CAMSAP2: variants seen among roughly 807,000 people sequenced by gnomAD.
CAMSAP2 encodes the protein calmodulin regulated spectrin associated protein family member 2.
In CAMSAP2, 26 loss-of-function variants were observed where a neutral mutation model predicts 146.1. The ratio of observed to expected loss-of-function variants is 0.18; its 90% CI spans 0.13 to 0.25. CAMSAP2 has a LOEUF of 0.25. Ranked by LOEUF, CAMSAP2 falls within the 10% of genes least tolerant of loss-of-function variation. CAMSAP2 has a pLI of 1.00. For synonymous variants in CAMSAP2, 499 were observed against 596.6 expected (o/e 0.84, Z 2.38); for missense variants, 1,381 against 1,759.3 (o/e 0.78, Z 3.85).
At chr1:200,744,041 C>G (rs1024511481) in intron 1 of CAMSAP2, among the ~76,000 whole-genome samples, 1 of 152,300 alleles carries the variant, frequency 6.6e-6, no homozygotes. Context: ...CATACTGTAT[C>G]ATTTAAATCC....
intron 6 of CAMSAP2, among the ~76,000 whole-genome samples, chr1:200,833,890 T>G (rs1174044083): frequency 6.6e-6 from 1 of 152,180 alleles, no homozygotes; most frequent in East Asian, 1.9e-4. Flanking sequence ...TCTCACTAGA[T>G]TATATATAAT....
Position 200,739,888 on chromosome 1 carries a change from C to A in CAMSAP2, c.61C>A (p.Pro21Thr), listed in dbSNP as rs756562159. ...RKTFIVPAIK[P>T]FDHYDFSRAK... Reference sequence around the variant, plus strand: ...GACGTTCATTGTTCCAGCCATCAAGCCTTTTGACCACTATGATTTCTCCAG... The same window carrying A: ...GACGTTCATTGTTCCAGCCATCAAGACTTTTGACCACTATGATTTCTCCAG... Residue 21 changes from proline to threonine, a missense_variant, in exon 1 of 17, where the codon CCT (proline) becomes ACT (threonine). This residue lies in a region of CAMSAP2 where 284 missense variants were observed against 406.9 expected (regional missense o/e 0.70). Transcript: ENST00000358823. This position sits in a 1 kb window ranked among gnomAD's most constrained non-coding sequence, Gnocchi z 4.8. The A allele has an allele frequency of 3.7e-6, 6 of 1,614,064 alleles. No individual in the cohort carries two copies. The South Asian group carries it at 4.4e-5, about 12-fold the overall frequency.
chr1:200,809,122 C>T (rs1363905526), intron 3 of CAMSAP2, among the ~76,000 whole-genome samples: 3 of 152,192 alleles, frequency 2.0e-5, no homozygotes, highest in African/African-American at 4.8e-5. Context: ...CTCTAATTCT[C>T]GGACCTTCTG....
At position 200,858,248 on chromosome 1, in the gene CAMSAP2, T is replaced by C; in HGVS notation, c.*189T>C. 1 of 488,884 alleles carries C rather than the reference T, an allele frequency of 2.0e-6. No individual in the cohort carries two copies. Among genetic ancestry groups the C allele is most frequent in the Non-Finnish European group, 3.6e-6 (1 of 280,878 alleles). The allele number at this position is 488,884 out of a possible 1,614,324, so 30.3% of individuals were successfully genotyped here. A position where few individuals can be genotyped will look rare whatever the true frequency, so the allele number is the denominator to read the frequency against. ...GTGCAGAACATTCTCAATTAAGTGATAAGTCCAAATGATGAAGGAAATGTT... is the reference window on the plus strand; with the variant it reads ...GTGCAGAACATTCTCAATTAAGTGACAAGTCCAAATGATGAAGGAAATGTT... On this transcript the variant is annotated 3_prime_UTR_variant, in exon 17 of 17. Transcript: ENST00000358823.
Position 200,739,853 on chromosome 1 carries a change from A to G in CAMSAP2, c.26A>G (p.Glu9Gly). ...ATGGGGGATGCTGCAGACCCCAGGG[A>G]GATGAGAAAGACGTTCATTGTTCCA... MGDAADPR[E>G]MRKTFIVPAI... Residue 9 changes from glutamate (E) to glycine (G), a missense_variant, in exon 1 of 17, where the codon GAG (glutamate) becomes GGG (glycine). Physicochemically the swap from Glu to Gly is moderately conservative, Grantham distance 98. Around this residue, in one of 4 missense-constraint regions of CAMSAP2, gnomAD observed 284 missense variants for 406.9 expected, o/e 0.70. Coordinates refer to ENST00000358823, the MANE Select transcript of CAMSAP2 (RefSeq NM_203459.4). The surrounding 1 kb of genome is among the most constrained non-coding windows in gnomAD (Gnocchi z 4.8). 1 of 1,614,022 alleles carries G rather than the reference A, an allele frequency of 6.2e-7. No individual in the cohort carries two copies. Among genetic ancestry groups the G allele is most frequent in the Non-Finnish European group, 8.5e-7 (1 of 1,179,964 alleles).
intron 1 of CAMSAP2, among the ~76,000 whole-genome samples, chr1:200,744,920 G>C (rs1382131192): frequency 6.6e-6 from 1 of 151,982 alleles, no homozygotes; most frequent in East Asian, 1.9e-4. Context: ...ATTATGTGAA[G>C]GGTGAGGTGA....
chr1:200,747,386 C>G (rs1414658904), intron 1 of CAMSAP2, among the ~76,000 whole-genome samples: 1 of 152,130 alleles, frequency 6.6e-6, no homozygotes, highest in Admixed American at 6.5e-5. Flanking sequence ...ATCGAGGACT[C>G]TCAAAAAGAT....
chr1:200,797,922 A>G (rs1289150487), intron 2 of CAMSAP2, among the ~76,000 whole-genome samples: 1 of 151,938 alleles, frequency 6.6e-6, no homozygotes, highest in Non-Finnish European at 1.5e-5. Context: ...CATTTATTAA[A>G]TAGGGAATCC....
intron 1 of CAMSAP2, among the ~76,000 whole-genome samples, chr1:200,752,862 C>T (rs1324054964): frequency 6.6e-6 from 1 of 152,028 alleles, no homozygotes; most frequent in Non-Finnish European, 1.5e-5. Context: ...TGTGATCCAC[C>T]CGCCTCGGCC....
intron 3 of CAMSAP2, among the ~76,000 whole-genome samples, chr1:200,810,913 G>C (rs1449093332): frequency 6.6e-6 from 1 of 151,898 alleles, no homozygotes; most frequent in Non-Finnish European, 1.5e-5. Context: ...AAACAGACTT[G>C]CTCTAGTGTC....
intron 2 of CAMSAP2, among the ~76,000 whole-genome samples, chr1:200,775,104 T>G (rs1014479406): frequency 4.6e-5 from 7 of 152,208 alleles, no homozygotes; most frequent in Non-Finnish European, 1.0e-4. Context: ...ACAGGCTCTT[T>G]TCATAGGAGG....
At chr1:200,794,214 A>G (rs918174995) in intron 2 of CAMSAP2, among the ~76,000 whole-genome samples, 3 of 152,222 alleles carry the variant, frequency 2.0e-5, no homozygotes, top group African/African-American at 7.2e-5. Context: ...AAAAACTAAG[A>G]TAAGATAAAC....
rs1388704376 is a variant in CAMSAP2 at position 200,854,174 on chromosome 1, GT to G, written c.3824-640del. ...TTTTTGTATTTTTTGTACAGATGGG[GT>G]TTCTTCATGTTGTTCAGGCTGGTCT... On this transcript the variant is annotated intron_variant, in intron 13 of 16. Coordinates refer to ENST00000358823, the MANE Select transcript of CAMSAP2 (RefSeq NM_203459.4). Among the ~76,000 whole-genome samples the G allele has an allele frequency of 2.0e-5, 3 of 152,108 alleles. No individual in the cohort carries two copies. In the East Asian group the frequency reaches 5.8e-4, roughly 29 times the overall value.
intron 2 of CAMSAP2, among the ~76,000 whole-genome samples, chr1:200,783,690 G>C (rs1434694317): frequency 6.6e-6 from 1 of 151,958 alleles, no homozygotes; most frequent in Non-Finnish European, 1.5e-5. Flanking sequence ...GGGCCTCACT[G>C]TGTTGCCCAG....
Position 200,739,281 on chromosome 1 carries a change from C to T in CAMSAP2, c.-547C>T, listed in dbSNP as rs1664074966. On this transcript the variant is annotated 5_prime_UTR_variant, in exon 1 of 17. Transcript: ENST00000358823. The surrounding 1 kb of genome is among the most constrained non-coding windows in gnomAD (Gnocchi z 4.8). ...GTGGGCCAGCTCGCCCCGCGCTTCC[C>T]CCTCGTCCTGCTCGTCCCTCCGCCC... Among the ~76,000 whole-genome samples the T allele has an allele frequency of 6.6e-6, 1 of 152,170 alleles. No individual in the cohort carries two copies. Among genetic ancestry groups the T allele is most frequent in the Admixed American group, 6.5e-5 (1 of 15,284 alleles).
Position 200,739,764 on chromosome 1 carries a change from G to T in CAMSAP2, c.-64G>T. 8.6e-7 allele frequency: 1 copy of T among 1,162,560 alleles called. No homozygotes were observed. The highest frequency in any genetic ancestry group is 1.2e-6 in the Non-Finnish European group (1 of 846,616). 72.0% of individuals were successfully genotyped at this position (1,162,560 alleles called of 1,614,324 possible). A position where few individuals can be genotyped will look rare whatever the true frequency, so the allele number is the denominator to read the frequency against. ...TGCTTCTCCCTCCCTCCCGACCCCC[G>T]TGGTGGCGAGGCCACGCCATGTGAA... On this transcript the variant is annotated 5_prime_UTR_variant, in exon 1 of 17. Transcript: ENST00000358823. This position sits in a 1 kb window ranked among gnomAD's most constrained non-coding sequence, Gnocchi z 4.8.
At chr1:200,820,062 A>AT (rs754216364) in intron 4 of CAMSAP2, among the ~76,000 whole-genome samples, 1,718 of 145,874 alleles carry the variant, frequency 0.012, 25 homozygotes, top group African/African-American at 0.033. Flanking sequence ...TTCTCAAAAA[A>AT]TTTTTTTTTT....
At chr1:200,776,624 G>A (rs1049499549) in intron 2 of CAMSAP2, among the ~76,000 whole-genome samples, 5 of 151,900 alleles carry the variant, frequency 3.3e-5, no homozygotes, top group African/African-American at 4.8e-5. Context: ...CTTGGGAGAC[G>A]GAGGCAGGAG....
intron 6 of CAMSAP2, among the ~76,000 whole-genome samples, chr1:200,833,074 A>G (rs1170035831): frequency 6.6e-6 from 1 of 152,146 alleles, no homozygotes; most frequent in African/African-American, 2.4e-5. Flanking sequence ...AAATAAATAA[A>G]TAAAATTTTA....
Sources: allele counts gnomAD v4.1 joint callset (sites outside exome capture counted in the v4.1 genomes callset), GRCh38; gene constraint gnomAD v4.1.1; regional missense constraint gnomAD v4.1.1; non-coding constraint Gnocchi (gnomAD v3.1); transcripts MANE v1.5; gene names NCBI Gene and HGNC (gene_info 2026-07-23, HGNC 2026-07-21).